Variants in FAF1 observed in about 807,000 individuals in gnomAD.
FAF1 encodes the protein FAS-associated factor 1.
FAF1 carries 25 observed loss-of-function variants against 92.5 expected under a neutral mutation model. The ratio of observed to expected loss-of-function variants is 0.27; its 90% CI spans 0.20 to 0.38. The LOEUF is 0.38. Among genes scored for constraint, FAF1 ranks in the 10% least tolerant of loss-of-function variants. The probability of loss-of-function intolerance (pLI) is 1.00; values close to 1 mark genes in which losing one functional copy is unlikely to be tolerated. For synonymous variants in FAF1, 234 were observed against 273.2 expected, an observed-to-expected ratio of 0.86 and a Z score of 1.42; for missense variants, 636 against 793.3, an observed-to-expected ratio of 0.80 and a Z score of 2.38.
chr1:50,504,895 G>A (rs1355737591), intron 15 of FAF1, among the ~76,000 whole-genome samples: 1 of 152,120 alleles, frequency 6.6e-6, no homozygotes, highest in Non-Finnish European at 1.5e-5. Context: ...GTCACAAAAG[G>A]AGAATCTTGG....
At chr1:50,755,782 G>A (rs920778281) in intron 4 of FAF1, among the ~76,000 whole-genome samples, 3 of 152,158 alleles carry the variant, frequency 2.0e-5, no homozygotes, top group Admixed American at 6.6e-5. Flanking sequence ...GCACTTGCAG[G>A]CTCAACACCA....
chr1:50,886,266 T>C (rs978133584), intron 1 of FAF1, among the ~76,000 whole-genome samples: 2 of 152,184 alleles, frequency 1.3e-5, no homozygotes, highest in African/African-American at 4.8e-5. Context: ...GTAGGACAGG[T>C]CTGGTGTTGA....
chr1:50,616,900 C>CA (rs1205894502), intron 8 of FAF1, among the ~76,000 whole-genome samples: 1 of 152,108 alleles, frequency 6.6e-6, no homozygotes, highest in Non-Finnish European at 1.5e-5. Flanking sequence ...AGGCTGGTCT[C>CA]AAACTCCTGA....
chr1:50,524,310 A>G (rs1647673728), intron 15 of FAF1, among the ~76,000 whole-genome samples: 1 of 152,224 alleles, frequency 6.6e-6, no homozygotes, highest in Admixed American at 6.5e-5. Flanking sequence ...TACAGTTTGC[A>G]AAAATTTTCT....
intron 2 of FAF1, among the ~76,000 whole-genome samples, chr1:50,830,475 T>C (rs929474073): frequency 9.2e-5 from 14 of 152,342 alleles, no homozygotes; most frequent in African/African-American, 2.6e-4. Flanking sequence ...CTTTCTATGA[T>C]AGTTATTAGA....
chr1:50,583,283 T>C lies in FAF1; in HGVS notation c.1031+369A>G, dbSNP rs1017912046. Among the ~76,000 whole-genome samples the C allele has an allele frequency of 6.6e-6, 1 of 151,870 alleles. No individual in the cohort carries two copies. Among genetic ancestry groups the C allele is most frequent in the Non-Finnish European group, 1.5e-5 (1 of 67,848 alleles). On this transcript the variant is annotated intron_variant, in intron 11 of 18. Coordinates refer to ENST00000396153, the MANE Select transcript of FAF1 (RefSeq NM_007051.3). This position sits in a 1 kb window ranked among gnomAD's most constrained non-coding sequence, Gnocchi z 4.2. ...AAATAAAGGAAAAAATTCACTTGGA[T>C]TTAAAATGTTTAAAGTATTTTTAAA...
At chr1:50,497,204 G>A (rs1012803236) in intron 15 of FAF1, among the ~76,000 whole-genome samples, 8 of 151,960 alleles carry the variant, frequency 5.3e-5, no homozygotes, top group African/African-American at 1.4e-4. Flanking sequence ...AATGACAGCC[G>A]ACTTTTCATC....
chr1:50,554,929 C>A (rs961693029), intron 13 of FAF1, among the ~76,000 whole-genome samples: 1 of 152,090 alleles, frequency 6.6e-6, no homozygotes, highest in African/African-American at 2.4e-5. Context: ...AATTGCTCTA[C>A]ATTCTATGAT....
chr1:50,663,362 T>G (rs1050969655), intron 7 of FAF1, among the ~76,000 whole-genome samples: 1 of 151,374 alleles, frequency 6.6e-6, no homozygotes, highest in African/African-American at 2.5e-5. Context: ...TTTAGATAAC[T>G]CTTACCAAGA....
At chr1:50,801,037 C>T (rs1168730066) in intron 3 of FAF1, among the ~76,000 whole-genome samples, 1 of 152,248 alleles carries the variant, frequency 6.6e-6, no homozygotes, top group Non-Finnish European at 1.5e-5. Flanking sequence ...CAAGCAATTA[C>T]ATTGCAACTA....
chr1:50,571,763 A>G (rs562837470), intron 12 of FAF1, among the ~76,000 whole-genome samples: 19 of 152,282 alleles, frequency 1.2e-4, no homozygotes, highest in South Asian at 8.3e-4. Flanking sequence ...TACAGTAGCT[A>G]TTGTATTTAG....
At chr1:50,711,573 G>A (rs1039641592) in intron 6 of FAF1, among the ~76,000 whole-genome samples, 7 of 148,830 alleles carry the variant, frequency 4.7e-5, no homozygotes, top group East Asian at 2.0e-4. Flanking sequence ...AGGTTCAAGC[G>A]ATTCTCCTGC....
intron 4 of FAF1, among the ~76,000 whole-genome samples, chr1:50,756,820 T>A (rs112130452): frequency 0.02 from 3,046 of 152,176 alleles, 100 homozygotes; most frequent in African/African-American, 0.071. Context: ...AATCATCAGA[T>A]CTCATGAGAC....
intron 13 of FAF1, among the ~76,000 whole-genome samples, chr1:50,553,386 AGAT>A (rs1649404567): frequency 6.6e-6 from 1 of 152,244 alleles, no homozygotes; most frequent in Admixed American, 6.5e-5. Context: ...ACAGGAGTAG[AGAT>A]GATAAGGACT....
In FAF1 at chr1:50,907,940, T is replaced by C. The variant is rs111483490; in HGVS notation, c.46-49943A>G. On this transcript the variant is annotated intron_variant, in intron 1 of 18. Transcript: ENST00000396153. Reference sequence around the variant, plus strand: ...TTTTGAATGTGTTTGCTCTTGCTTATCTAGTTCTTTTAATTGTGATGTTAG... The same window carrying C: ...TTTTGAATGTGTTTGCTCTTGCTTACCTAGTTCTTTTAATTGTGATGTTAG... Among the ~76,000 whole-genome samples the C allele has an allele frequency of 2.0e-5, 3 of 152,206 alleles. 1 individual carries two copies. Among genetic ancestry groups the C allele is most frequent in the South Asian group, 4.1e-4 (2 of 4,830 alleles).
chr1:50,872,418 C>T (rs920440188), intron 1 of FAF1, among the ~76,000 whole-genome samples: 3 of 152,174 alleles, frequency 2.0e-5, no homozygotes, highest in Admixed American at 2.0e-4. Context: ...TACGAAGTTG[C>T]TTCTTATGGA....
chr1:50,461,079 T>C (rs1354746440), intron 18 of FAF1, among the ~76,000 whole-genome samples: 1 of 152,162 alleles, frequency 6.6e-6, no homozygotes, highest in Admixed American at 6.5e-5. Context: ...GGAACAGTGG[T>C]TGAGTATCCA....
intron 7 of FAF1, among the ~76,000 whole-genome samples, chr1:50,664,817 C>T (rs921711390): frequency 2.6e-5 from 4 of 152,088 alleles, no homozygotes; most frequent in Non-Finnish European, 5.9e-5. Context: ...AACAAACAAA[C>T]AAACAAACAG....
chr1:50,592,000 T>A (rs920355402), intron 9 of FAF1, among the ~76,000 whole-genome samples: 9 of 152,320 alleles, frequency 5.9e-5, no homozygotes, highest in African/African-American at 2.2e-4. Flanking sequence ...ATAACTATTC[T>A]GTGTCTGTTA....
Sources: gnomAD v4.1 joint callset for allele counts (sites outside exome capture counted in the v4.1 genomes callset) on GRCh38, gnomAD v4.1.1 for gene constraint, Gnocchi (gnomAD v3.1) non-coding constraint, MANE v1.5 for transcripts, NCBI Gene and HGNC (gene_info 2026-07-23, HGNC 2026-07-21) for gene names.